Variants in AGBL3 observed in about 807,000 individuals in gnomAD.
The protein encoded by AGBL3 is AGBL carboxypeptidase 3.
In AGBL3, 68 loss-of-function variants were observed where a neutral mutation model predicts 94.5. That is an observed-to-expected ratio of 0.72 (90% confidence interval 0.59 to 0.88). The LOEUF (loss-of-function observed/expected upper bound fraction) is 0.88, where lower values mean the gene tolerates loss of function less well. Among genes scored for constraint, AGBL3 ranks in the 40% least tolerant of loss-of-function variants. AGBL3 has a pLI of 0.00. For missense variants in AGBL3, 934 were observed against 1,103.8 expected (o/e 0.85, Z 2.18); for synonymous variants, 354 against 370.7 (o/e 0.95, Z 0.52).
chr7:135,048,172 T>C (rs559790380), intron 11 of AGBL3, among the ~76,000 whole-genome samples: 7 of 151,942 alleles, frequency 4.6e-5, no homozygotes, highest in African/African-American at 1.7e-4. Context: ...ATATGTGTGG[T>C]CTTATTTTGG....
intron 12 of AGBL3, 101 bp from the exon 13 acceptor site, chr7:135,076,296 C>T: frequency 1.1e-6 from 1 of 902,438 alleles, no homozygotes; most frequent in Non-Finnish European, 1.7e-6. Flanking sequence ...AAGTACTTCT[C>T]ATCTTCTTAG....
At chr7:135,014,133 T>A (rs1243258923) in intron 4 of AGBL3, among the ~76,000 whole-genome samples, 1 of 138,248 alleles carries the variant, frequency 7.2e-6, no homozygotes, top group East Asian at 2.2e-4. Context: ...GAAGTGGAGG[T>A]TGCAGTGAGC....
At chr7:135,006,236 G>T (rs902106324) in intron 4 of AGBL3, among the ~76,000 whole-genome samples, 7 of 151,622 alleles carry the variant, frequency 4.6e-5, no homozygotes, top group African/African-American at 1.7e-4. Context: ...TTTTAAAAAA[G>T]CTTTCCCAGA....
chr7:134,989,995 G>A (rs1009051774), intron 3 of AGBL3, among the ~76,000 whole-genome samples: 2 of 152,048 alleles, frequency 1.3e-5, no homozygotes, highest in Non-Finnish European at 1.5e-5. Context: ...ACATTTCCCT[G>A]CTACCCTTTT....
chr7:135,072,619 A>T (rs1450112771), intron 12 of AGBL3, among the ~76,000 whole-genome samples: 1 of 152,178 alleles, frequency 6.6e-6, no homozygotes, highest in Non-Finnish European at 1.5e-5. Context: ...TTGTAGGGAC[A>T]TGGATGAAGC....
At chr7:135,103,535 C>T (rs563536782) in intron 15 of AGBL3, among the ~76,000 whole-genome samples, 16 of 152,136 alleles carry the variant, frequency 1.1e-4, no homozygotes, top group Admixed American at 3.3e-4. Flanking sequence ...TTATCTGATC[C>T]GTCTGCACTG....
At chr7:135,050,220 T>G (rs1817747082) in intron 11 of AGBL3, among the ~76,000 whole-genome samples, 1 of 152,022 alleles carries the variant, frequency 6.6e-6, no homozygotes, top group African/African-American at 2.4e-5. Flanking sequence ...GTTTTCCTTC[T>G]GCTATTTATC....
chr7:135,133,022 A>G (rs1828994794), intron 16 of AGBL3, among the ~76,000 whole-genome samples: 1 of 152,028 alleles, frequency 6.6e-6, no homozygotes, highest in Admixed American at 6.6e-5. Context: ...TTCTCTATGT[A>G]GAAAATCCTA....
chr7:135,049,116 C>G (rs1423449074), intron 11 of AGBL3, among the ~76,000 whole-genome samples: 2 of 151,746 alleles, frequency 1.3e-5, no homozygotes, highest in African/African-American at 4.8e-5. Context: ...TACTTTCCTT[C>G]TATTCTTAGT....
In AGBL3 at chr7:135,111,598, C is replaced by G. The variant is rs530602643; in HGVS notation, c.2111-3782C>G. On this transcript the variant is annotated intron_variant, in intron 15 of 16. Transcript: ENST00000436302. ...TGTTTTTTGGTCTTTAATAACATTT[C>G]ACAATAGCTATTGTGAAATAGCTCA... 6.6e-5 allele frequency among the ~76,000 whole-genome samples: 10 copies of G among 151,332 alleles called. No homozygotes were observed. In the South Asian group the frequency reaches 2.1e-3, roughly 32 times the overall value.
intron 11 of AGBL3, among the ~76,000 whole-genome samples, chr7:135,052,454 A>C (rs73456242): frequency 0.019 from 2,886 of 152,160 alleles, 102 homozygotes; most frequent in African/African-American, 0.065. Context: ...GGGGGGCTAT[A>C]TGTGTGGGCT....
chr7:135,010,110 C>T (rs1245581479), intron 4 of AGBL3: 1 of 418,266 alleles, frequency 2.4e-6, no homozygotes, highest in Admixed American at 2.9e-5. Flanking sequence ...CTCACTGCAA[C>T]CTCCACCTCC....
At chr7:135,073,093 T>C (rs1820096494) in intron 12 of AGBL3, among the ~76,000 whole-genome samples, 2 of 152,070 alleles carry the variant, frequency 1.3e-5, no homozygotes, top group African/African-American at 4.8e-5. Context: ...CTCACTTTTA[T>C]GTGAAATCTA....
At chr7:134,987,800 T>A in intron 1 of AGBL3, 75 bp from the exon 2 acceptor site, 2 of 640,204 alleles carry the variant, frequency 3.1e-6, no homozygotes, top group Non-Finnish European at 5.5e-6. Context: ...TACAATTGAA[T>A]ATATTTTTGA....
intron 11 of AGBL3, among the ~76,000 whole-genome samples, chr7:135,055,208 C>T (rs139830286): frequency 6.6e-6 from 1 of 152,298 alleles, no homozygotes; most frequent in East Asian, 1.9e-4. Context: ...CCAACACTGG[C>T]ACATTAGGAA....
At chr7:135,082,650 T>G (rs146210013) in intron 15 of AGBL3, among the ~76,000 whole-genome samples, 1 of 152,274 alleles carries the variant, frequency 6.6e-6, no homozygotes, top group African/African-American at 2.4e-5. Context: ...TTTATTTTCA[T>G]AGTGCTACCG....
At chr7:135,061,867 C>T (rs1818865060) in intron 12 of AGBL3, among the ~76,000 whole-genome samples, 1 of 152,024 alleles carries the variant, frequency 6.6e-6, no homozygotes, top group South Asian at 2.1e-4. Flanking sequence ...TAGTTCGGCT[C>T]CTTTGTGGTT....
chr7:135,074,636 T>C (rs1003998180), intron 12 of AGBL3, among the ~76,000 whole-genome samples: 2 of 152,208 alleles, frequency 1.3e-5, no homozygotes, highest in African/African-American at 2.4e-5. Context: ...TAAAGGATTA[T>C]ACTCAAATAT....
In AGBL3 at chr7:134,989,304, T is replaced by C. The variant is rs959659474; in HGVS notation, c.118T>C (p.Leu40=). 3 of 1,546,974 alleles carry C rather than the reference T, an allele frequency of 1.9e-6. No homozygotes were observed. Among genetic ancestry groups the C allele is most frequent in the African/African-American group, 1.4e-5 (1 of 72,874 alleles). Residue 40 remains leucine, a synonymous_variant, in exon 3 of 17, where the codon TTA becomes CTA. Transcript: ENST00000436302. The part of the protein sequence containing the change: ...VSEDLHRCAL[L]TADSFGDPFF... Reference sequence around the variant, plus strand: ...TGAAGATCTTCATCGGTGTGCACTTTTAACAGGTTTGAACCTATTCATATA... The same window carrying C: ...TGAAGATCTTCATCGGTGTGCACTTCTAACAGGTTTGAACCTATTCATATA...
Sources: gnomAD v4.1 joint callset for allele counts (sites outside exome capture counted in the v4.1 genomes callset) on GRCh38, gnomAD v4.1.1 for gene constraint, MANE v1.5 for transcripts, NCBI Gene and HGNC (gene_info 2026-07-23, HGNC 2026-07-21) for gene names.